VWC2: variants seen among roughly 807,000 people sequenced by gnomAD.
The protein encoded by VWC2 is brorin.
A neutral mutation model predicts 29.8 loss-of-function variants in VWC2; 14 were observed. The ratio of observed to expected loss-of-function variants is 0.47; its 90% CI spans 0.31 to 0.74. The LOEUF is 0.74. Among genes scored for constraint, VWC2 ranks in the 30% least tolerant of loss-of-function variants. The pLI is 0.05. For synonymous variants in VWC2, 213 were observed against 199.0 expected, an observed-to-expected ratio of 1.07 and a Z score of -0.59; for missense variants, 457 against 459.8, an observed-to-expected ratio of 0.99 and a Z score of 0.05.
intron 3 of VWC2, among the ~76,000 whole-genome samples, chr7:49,831,960 A>G (rs1206311837): frequency 6.6e-6 from 1 of 152,222 alleles, no homozygotes; most frequent in Non-Finnish European, 1.5e-5. Context: ...TAGCATCATC[A>G]GATAGTAGAC....
chr7:49,868,762 C>T (rs974298148), intron 3 of VWC2, among the ~76,000 whole-genome samples: 6 of 152,080 alleles, frequency 3.9e-5, no homozygotes, highest in Admixed American at 2.6e-4. Context: ...GGATTACAGG[C>T]GTGTGCCACC....
chr7:49,791,550 A>T (rs1020553387), intron 2 of VWC2, among the ~76,000 whole-genome samples: 1 of 152,114 alleles, frequency 6.6e-6, no homozygotes, highest in Non-Finnish European at 1.5e-5. Flanking sequence ...CTCTGTTGGG[A>T]TATCCCAGCC....
chr7:49,776,236 T>C lies in VWC2; in HGVS notation c.696+105T>C, dbSNP rs754034536. On this transcript the variant is annotated intron_variant, in intron 2 of 3. Coordinates refer to ENST00000340652, the MANE Select transcript of VWC2 (RefSeq NM_198570.5). Reference sequence around the variant, plus strand: ...TTGAAGAAGAGGTGCTCTCTGGTTCTGAGAGGTGGAGAGCACTGTGCTCAC... The same window carrying C: ...TTGAAGAAGAGGTGCTCTCTGGTTCCGAGAGGTGGAGAGCACTGTGCTCAC... 1.9e-4 allele frequency: 202 copies of C among 1,040,736 alleles called. 1 individual carries two copies. The highest frequency in any genetic ancestry group is 1.4e-3 in the Admixed American group (52 of 35,892). The allele number at this position is 1,040,736 out of a possible 1,614,324, so 64.5% of individuals were successfully genotyped here.
chr7:49,786,943 G>A (rs992634980), intron 2 of VWC2, among the ~76,000 whole-genome samples: 1 of 152,136 alleles, frequency 6.6e-6, no homozygotes, highest in Non-Finnish European at 1.5e-5. Flanking sequence ...TTACTCTGTG[G>A]ATAGATTCTT....
intron 2 of VWC2, among the ~76,000 whole-genome samples, chr7:49,780,244 A>G (rs765427738): frequency 5.9e-5 from 9 of 152,156 alleles, no homozygotes; most frequent in Non-Finnish European, 8.8e-5. Flanking sequence ...TTCTGTGTCT[A>G]TTGCATTCTG....
rs538653351 is a variant in VWC2 at position 49,804,404 on chromosome 7, C to G, written c.826+1564C>G. Among the ~76,000 whole-genome samples the G allele has an allele frequency of 1.0e-3, 152 of 152,074 alleles. 4 individuals are homozygous for G. The South Asian group carries it at 0.03, about 30-fold the overall frequency. ...GTCTGCTGGGAGAGCTGAGGGCTGG[C>G]GCTCAGGCCATGTGCCCTGCATGTC... On this transcript the variant is annotated intron_variant, in intron 3 of 3. Coordinates refer to ENST00000340652, the MANE Select transcript of VWC2 (RefSeq NM_198570.5).
rs1562775768 is a variant in VWC2 at position 49,919,357 on chromosome 7, A to G, written c.*7172A>G. ...GCGATGGCATCACATGCCATTTTGA[A>G]CTTTTGCATTAAAGTCATAAACTTA... On this transcript the variant is annotated 3_prime_UTR_variant, in exon 4 of 4. Coordinates refer to ENST00000340652, the MANE Select transcript of VWC2 (RefSeq NM_198570.5). The G allele has an allele frequency of 6.6e-6, 1 of 152,196 alleles. No individual in the cohort carries two copies. Among genetic ancestry groups the G allele is most frequent in the Non-Finnish European group, 1.5e-5 (1 of 68,042 alleles). 9.4% of individuals were successfully genotyped at this position (152,196 alleles called of 1,614,324 possible).
At chr7:49,832,461 G>C (rs1036143473) in intron 3 of VWC2, among the ~76,000 whole-genome samples, 1 of 152,088 alleles carries the variant, frequency 6.6e-6, no homozygotes, top group Admixed American at 6.5e-5. Context: ...ATCAGAGGAG[G>C]TTGGCTTTAT....
At chr7:49,836,796 C>G (rs998499575) in intron 3 of VWC2, among the ~76,000 whole-genome samples, 10 of 151,910 alleles carry the variant, frequency 6.6e-5, no homozygotes, top group Non-Finnish European at 1.3e-4. Context: ...CAAAAGAAAC[C>G]AAACCACTGT....
chr7:49,805,259 G>A (rs1227314425), intron 3 of VWC2, among the ~76,000 whole-genome samples: 1 of 152,138 alleles, frequency 6.6e-6, no homozygotes, highest in East Asian at 1.9e-4. Context: ...TATTTTGAGA[G>A]GCAGTATGGG....
At chr7:49,796,191 G>A (rs1327858880) in intron 2 of VWC2, among the ~76,000 whole-genome samples, 1 of 152,164 alleles carries the variant, frequency 6.6e-6, no homozygotes, top group Non-Finnish European at 1.5e-5. Flanking sequence ...AGTTGTAGTT[G>A]AGAAAGTTCT....
chr7:49,844,365 A>G lies in VWC2; in HGVS notation c.826+41525A>G, dbSNP rs137947804. On this transcript the variant is annotated intron_variant, in intron 3 of 3. Transcript: ENST00000340652. The stretch of plus-strand genomic sequence containing the variant: ...CTAAACTTTCCATTTTCACAGTTCT[A>G]GGTAAGCCAAGCCAGGTCTGTCAGA... Among the ~76,000 whole-genome samples, 31 of 152,328 alleles carry G rather than the reference A, an allele frequency of 2.0e-4. 2 individuals carry two copies. In the East Asian group the frequency reaches 6.0e-3, roughly 29 times the overall value.
intron 3 of VWC2, among the ~76,000 whole-genome samples, chr7:49,869,976 G>T (rs1413747185): frequency 6.6e-6 from 1 of 152,136 alleles, no homozygotes; most frequent in East Asian, 1.9e-4. Flanking sequence ...CTGAATAAAA[G>T]AAACTTGGAA....
chr7:49,849,657 G>T (rs369373003), intron 3 of VWC2, among the ~76,000 whole-genome samples: 29 of 152,302 alleles, frequency 1.9e-4, no homozygotes, highest in African/African-American at 6.3e-4. Flanking sequence ...TCTAACGCTG[G>T]GTGCTTGTTT....
chr7:49,778,114 C>T (rs974806652), intron 2 of VWC2, among the ~76,000 whole-genome samples: 1 of 151,678 alleles, frequency 6.6e-6, no homozygotes, highest in Non-Finnish European at 1.5e-5. Context: ...ATTCAAACTT[C>T]TGTCTTAACA....
intron 3 of VWC2, among the ~76,000 whole-genome samples, chr7:49,829,201 G>T (rs1269990229): frequency 1.3e-5 from 2 of 152,152 alleles, no homozygotes; most frequent in African/African-American, 4.8e-5. Context: ...ATTCTTCACT[G>T]GCTTAAAATG....
intron 3 of VWC2, among the ~76,000 whole-genome samples, chr7:49,811,771 A>G (rs1436009932): frequency 6.6e-6 from 1 of 152,228 alleles, no homozygotes; most frequent in Non-Finnish European, 1.5e-5. Flanking sequence ...AAAAAGTTAA[A>G]GAAAACTTAC....
intron 3 of VWC2, among the ~76,000 whole-genome samples, chr7:49,838,191 C>A (rs1320013547): frequency 6.6e-6 from 1 of 152,178 alleles, no homozygotes; most frequent in Admixed American, 6.6e-5. Context: ...GAGGCAGAGG[C>A]AGGGCTTATA....
At chr7:49,899,501 A>T (rs1792590958) in intron 3 of VWC2, among the ~76,000 whole-genome samples, 1 of 152,050 alleles carries the variant, frequency 6.6e-6, no homozygotes. Flanking sequence ...TGTTAAGACT[A>T]ATCAAAATAA....
Sources: allele counts gnomAD v4.1 joint callset (sites outside exome capture counted in the v4.1 genomes callset), GRCh38; gene constraint gnomAD v4.1.1; transcripts MANE v1.5; gene names NCBI Gene and HGNC (gene_info 2026-07-23, HGNC 2026-07-21).